The following KIFC3 variants were observed in gnomAD, a reference collection of about 807,000 sequenced individuals.
The protein encoded by KIFC3 is kinesin family member C3.
In KIFC3, 60 loss-of-function variants were observed where a neutral mutation model predicts 101.8. That is an observed-to-expected ratio of 0.59 (90% CI 0.48 to 0.73). The LOEUF (loss-of-function observed/expected upper bound fraction) is 0.73. KIFC3 is among the 30% of genes least tolerant of loss of function. The pLI is 0.00. For synonymous variants in KIFC3, 476 were observed against 482.7 expected (o/e 0.99, Z 0.18); for missense variants, 966 against 1,137.1 (o/e 0.85, Z 2.16).
chr16:57,831,629 A>G (rs2055582594), intron 1 of KIFC3, among the ~76,000 whole-genome samples: 1 of 152,174 alleles, frequency 6.6e-6, no homozygotes, highest in Non-Finnish European at 1.5e-5. Context: ...GGTCCAGGCT[A>G]CTGTGAGCTA....
intron 1 of KIFC3, among the ~76,000 whole-genome samples, chr16:57,838,275 G>T (rs2055736427): frequency 6.6e-6 from 1 of 152,120 alleles, no homozygotes; most frequent in Non-Finnish European, 1.5e-5. Flanking sequence ...GCTACAAACC[G>T]CCTCCAAGCA....
rs781982279 is a variant in KIFC3 at position 57,766,991 on chromosome 16, G to T, written c.1219-6C>A. ...TCCTCGATGGCCTGGCCTATCTGGTGGGGGGTGCACACCACTGTCAGGGGG... is the reference window on the plus strand; with the variant it reads ...TCCTCGATGGCCTGGCCTATCTGGTTGGGGGTGCACACCACTGTCAGGGGG... On this transcript the variant is annotated splice_polypyrimidine_tract_variant and splice_region_variant and intron_variant, in intron 9 of 19. Coordinates refer to ENST00000445690, the MANE Select transcript of KIFC3 (RefSeq NM_001130100.2). 4 of 1,607,296 alleles carry T rather than the reference G, an allele frequency of 2.5e-6. No individual in the cohort carries two copies. Among genetic ancestry groups the T allele is most frequent in the East Asian group, 2.2e-5 (1 of 44,824 alleles).
Position 57,830,236 on chromosome 16 carries a change from C to CTT in KIFC3, c.109-31956_109-31955dup, listed in dbSNP as rs34842791. ...GACTGTTTTCCTTTCTTTTTTCTTT[C>CTT]TTTTTTTTTTTTTTTTTTTGAGATG... On this transcript the variant is annotated intron_variant, in intron 1 of 2. Coordinates refer to the KIFC3 transcript ENST00000563028. Among the ~76,000 whole-genome samples the CTT allele has an allele frequency of 3.3e-3, 394 of 119,294 alleles. 4 individuals carry two copies. The highest frequency in any genetic ancestry group is 7.5e-3 in the South Asian group (26 of 3,484). 78.3% of individuals were successfully genotyped at this position (119,294 alleles called of 152,430 possible).
rs1252411382 is a variant in KIFC3, at chr16:57,758,578, A to AG, written c.*355dup. ...CTGGCCAGCTCTGCAAGCTGAGGAG[A>AG]GGGGCCGAGAAAGCCTGGGTGAGAG... On this transcript the variant is annotated 3_prime_UTR_variant, in exon 20 of 20. Coordinates refer to ENST00000445690, the MANE Select transcript of KIFC3 (RefSeq NM_001130100.2). 2.4e-5 allele frequency: 16 copies of AG among 666,006 alleles called. No homozygotes were observed. The highest frequency in any genetic ancestry group is 4.1e-5 in the Non-Finnish European group (15 of 362,188). 41.3% of individuals were successfully genotyped at this position (666,006 alleles called of 1,614,324 possible). A position where few individuals can be genotyped will look rare whatever the true frequency, so the allele number is the denominator to read the frequency against.
At chr16:57,772,134 G>T in intron 4 of KIFC3, 89 bp downstream of exon 4, 2 of 1,121,092 alleles carry the variant, frequency 1.8e-6, no homozygotes, top group Non-Finnish European at 2.6e-6. Flanking sequence ...GCTCAGGAGA[G>T]AGAGGGTCGC....
At chr16:57,774,564 C>A (rs1555610745) in intron 3 of KIFC3, 4 of 187,266 alleles carry the variant, frequency 2.1e-5, no homozygotes, top group Non-Finnish European at 3.3e-5. Flanking sequence ...ACTCTGTCAC[C>A]CAGGCTGGAG....
At chr16:57,838,983 G>T (rs79927280) in intron 1 of KIFC3, among the ~76,000 whole-genome samples, 6,787 of 152,248 alleles carry the variant, frequency 0.045, 174 homozygotes, top group South Asian at 0.084. Context: ...GATTAATGGG[G>T]AGATACACAG....
Position 57,798,207 on chromosome 16 carries a change from T to A in KIFC3, c.37A>T (p.Thr13Ser). The A allele has an allele frequency of 1.3e-6, 2 of 1,546,674 alleles. No homozygotes were observed. Among genetic ancestry groups the A allele is most frequent in the Non-Finnish European group, 1.7e-6 (2 of 1,146,116 alleles). Residue 13 changes from threonine to serine, a missense_variant, in exon 2 of 20, where the codon ACG becomes TCG. Physicochemically the swap from Thr to Ser is moderately conservative, Grantham distance 58 (BLOSUM62 1). Transcript: ENST00000445690. Reference sequence around the variant, plus strand: ...CTCCACAGGCCCCGCAGCGAGGGCGTGGCTCCCAGGTTCCACGTCCTGCGA... The same window carrying A: ...CTCCACAGGCCCCGCAGCGAGGGCGAGGCTCCCAGGTTCCACGTCCTGCGA... ...PSRRTWNLGA[T>S]PSLRGLWRVG...
Position 57,771,423 on chromosome 16 carries a change from G to T in KIFC3, c.540C>A (p.Leu180=), listed in dbSNP as rs1597965436. 6.2e-7 allele frequency: 1 copy of T among 1,613,614 alleles called. No individual in the cohort carries two copies. The highest frequency in any genetic ancestry group is 8.5e-7 in the Non-Finnish European group (1 of 1,180,042). The part of the protein sequence containing the change: ...GCEHSQESAQ[L]RDKLSQLQLE... ...GCTGCAGCTGGGACAGCTTGTCACG[G>T]AGCTGGGCGCTCTCCTGCAGCCATT... Residue 180 remains leucine (L), a synonymous_variant, in exon 6 of 20, where the codon CTC becomes CTA. Coordinates refer to ENST00000445690, the MANE Select transcript of KIFC3 (RefSeq NM_001130100.2).
At chr16:57,821,507 G>A (rs937041605) in intron 1 of KIFC3, among the ~76,000 whole-genome samples, 7 of 152,012 alleles carry the variant, frequency 4.6e-5, no homozygotes, top group Admixed American at 2.0e-4. Flanking sequence ...GAATTAGGAG[G>A]CAGTGATTTC....
chr16:57,777,636 G>A (rs573187580), intron 3 of KIFC3, among the ~76,000 whole-genome samples: 4 of 151,870 alleles, frequency 2.6e-5, no homozygotes, highest in Admixed American at 6.6e-5. Flanking sequence ...CAGGAGAATC[G>A]CTTGAACCCG....
At chr16:57,840,327 G>A (rs1303549079) in intron 1 of KIFC3, among the ~76,000 whole-genome samples, 1 of 151,900 alleles carries the variant, frequency 6.6e-6, no homozygotes, top group Non-Finnish European at 1.5e-5. Flanking sequence ...GACAGAGCAA[G>A]ACTCTGTCTC....
upstream of KIFC3, chr16:57,803,058 C>T: frequency 2.0e-6 from 3 of 1,532,674 alleles, no homozygotes; most frequent in Non-Finnish European, 2.6e-6. Flanking sequence ...CGCTCCACCA[C>T]CTACTCGCTG....
intron 1 of KIFC3, among the ~76,000 whole-genome samples, chr16:57,843,605 G>C (rs775302232): frequency 2.0e-5 from 3 of 152,092 alleles, no homozygotes; most frequent in Non-Finnish European, 1.5e-5. Flanking sequence ...GAGCCCAGGA[G>C]TTCAAGACTA....
intron 1 of KIFC3, among the ~76,000 whole-genome samples, chr16:57,828,550 G>T (rs551698885): frequency 8.3e-4 from 127 of 152,366 alleles, no homozygotes; most frequent in Non-Finnish European, 1.7e-3. Flanking sequence ...CCTGGGTGGG[G>T]CCCCGCGGCA....
chr16:57,854,823 C>G (rs1222210564), intron 1 of KIFC3, among the ~76,000 whole-genome samples: 2 of 152,110 alleles, frequency 1.3e-5, no homozygotes, highest in Non-Finnish European at 2.9e-5. Context: ...AAGTTATTCC[C>G]TGACCACAAA....
chr16:57,855,722 G>A (rs1273939412), intron 1 of KIFC3, among the ~76,000 whole-genome samples: 1 of 151,954 alleles, frequency 6.6e-6, no homozygotes, highest in South Asian at 2.1e-4. Flanking sequence ...AAGGCAGGTG[G>A]ATCACTTGAG....
chr16:57,765,921 C>T (rs571677227), intron 10 of KIFC3: 5 of 370,656 alleles, frequency 1.3e-5, no homozygotes, highest in Admixed American at 4.2e-5. Context: ...CACTGCACCC[C>T]GTCAGGGTGA....
chr16:57,849,616 A>C (rs2056005763), intron 1 of KIFC3, among the ~76,000 whole-genome samples: 1 of 152,064 alleles, frequency 6.6e-6, no homozygotes, highest in Admixed American at 6.6e-5. Flanking sequence ...GAAAATAGTT[A>C]ATGGGGCCAG....
Sources: gnomAD v4.1 joint callset for allele counts (sites outside exome capture counted in the v4.1 genomes callset) on GRCh38, gnomAD v4.1.1 for gene constraint, MANE v1.5 for transcripts, NCBI Gene and HGNC (gene_info 2026-07-23, HGNC 2026-07-21) for gene names.